CEP250: variants seen among roughly 807,000 people sequenced by gnomAD.
CEP250 encodes the protein centrosomal protein 250, also known as centrosome-associated protein CEP250.
Under a neutral mutation model 315.7 loss-of-function variants are expected in CEP250, and 242 were observed. The ratio of observed to expected loss-of-function variants is 0.77; its 90% CI spans 0.69 to 0.85. The LOEUF (loss-of-function observed/expected upper bound fraction) is 0.85. CEP250 is among the 40% of genes least tolerant of loss of function. The probability of loss-of-function intolerance (pLI) is 0.00; values close to 1 mark genes in which losing one functional copy is unlikely to be tolerated. For synonymous variants in CEP250, 1,088 were observed against 1,175.0 expected (o/e 0.93, Z 1.51); for missense variants, 2,515 against 2,886.4 (o/e 0.87, Z 2.95).
intron 18 of CEP250, 21 bp downstream of exon 18, chr20:35,479,445 A>G (rs1308585029): frequency 6.2e-7 from 1 of 1,601,762 alleles, no homozygotes; most frequent in East Asian, 2.2e-5. Context: ...GACTCAGTTC[A>G]GCCAAGCACA....
chr20:35,515,506 A>T lies in CEP250; in HGVS notation c.*3880A>T, dbSNP rs1173018410. Reference sequence around the variant, plus strand: ...GGCCAGTGGCAGAACTTCTAGAAGTACCTGTGGGGTGGGAAACCCCAGCCA... The same window carrying T: ...GGCCAGTGGCAGAACTTCTAGAAGTTCCTGTGGGGTGGGAAACCCCAGCCA... On this transcript the variant is annotated 3_prime_UTR_variant, in exon 35 of 35. Transcript: ENST00000397527. The T allele has an allele frequency of 6.6e-6, 1 of 152,270 alleles. No individual in the cohort carries two copies. The highest frequency in any genetic ancestry group is 1.5e-5 in the Non-Finnish European group (1 of 68,072). The allele number at this position is 152,270 out of a possible 1,614,324, so 9.4% of individuals were successfully genotyped here.
Position 35,467,352 on chromosome 20 carries a change from G to A in CEP250, c.648G>A (p.Leu216=). 6.2e-7 allele frequency: 1 copy of A among 1,614,188 alleles called. No individual in the cohort carries two copies. The highest frequency in any genetic ancestry group is 8.5e-7 in the Non-Finnish European group (1 of 1,180,024). The part of the protein sequence containing the change: ...KAEHVRLSGS[L]LTCCLRLTVG... The stretch of plus-strand genomic sequence containing the variant: ...AGCATGTGAGGCTTTCAGGGTCTCT[G>A]TTGACCTGTTGTCTGCGCTTGACTG... The change falls in exon 9 of 35, where the codon CTG becomes CTA. Residue 216 remains leucine (L), a synonymous_variant. Coordinates refer to ENST00000397527, the MANE Select transcript of CEP250 (RefSeq NM_007186.6).
intron 17 of CEP250, among the ~76,000 whole-genome samples, chr20:35,478,370 G>A (rs1025052712): frequency 2.0e-5 from 3 of 152,252 alleles, no homozygotes; most frequent in African/African-American, 7.2e-5. Flanking sequence ...TTCGAGACCA[G>A]CCTGACCAAC....
intron 30 of CEP250, among the ~76,000 whole-genome samples, chr20:35,507,424 G>A (rs955823796): frequency 6.6e-6 from 1 of 152,168 alleles, no homozygotes. Context: ...TGTGTGACTC[G>A]AGAGTCCATG....
chr20:35,476,454 G>A lies in CEP250; in HGVS notation c.1722G>A (p.Glu574=), dbSNP rs1260383726. 1.2e-6 allele frequency: 2 copies of A among 1,612,076 alleles called. No homozygotes were observed. Among genetic ancestry groups the A allele is most frequent in the Non-Finnish European group, 1.7e-6 (2 of 1,178,326 alleles). The part of the protein sequence containing the change: ...TEVTAALARA[E]QSIAELSSSE... ...TAATCCTTTTTGTTTTTTAGGCAGA[G>A]CAGTCAATTGCAGAGCTGTCGAGTT... The change falls in exon 16 of 35, where the codon GAG becomes GAA. Residue 574 remains glutamate, a synonymous_variant. Coordinates refer to ENST00000397527, the MANE Select transcript of CEP250 (RefSeq NM_007186.6).
intron 20 of CEP250, among the ~76,000 whole-genome samples, chr20:35,485,645 C>CTATT (rs1451427062): frequency 3.0e-5 from 1 of 33,788 alleles, no homozygotes; most frequent in South Asian, 9.8e-4. Context: ...GTCTGCCTGG[C>CTATT]TTTTTTTTTT....
chr20:35,472,230 A>G, intron 11 of CEP250, 79 bp downstream of exon 11: 1 of 856,344 alleles, frequency 1.2e-6, no homozygotes, highest in South Asian at 1.4e-5. Context: ...AGTCCTGCCT[A>G]GATTTCCAGT....
rs2063146070 is a variant in CEP250, at chr20:35,475,494, C to T, written c.1572-8C>T. 1 of 1,613,650 alleles carries T rather than the reference C, an allele frequency of 6.2e-7. No individual in the cohort carries two copies. Among genetic ancestry groups the T allele is most frequent in the African/African-American group, 1.3e-5 (1 of 75,028 alleles). On this transcript the variant is annotated splice_polypyrimidine_tract_variant and splice_region_variant and intron_variant, in intron 14 of 34. Coordinates refer to ENST00000397527, the MANE Select transcript of CEP250 (RefSeq NM_007186.6). ...AGTTCCTCTAGACCCCTCTCTTTCC[C>T]ATCTTAGTCAGGAGATGCTGATGGG... is the stretch of plus-strand genomic sequence containing the variant.
chr20:35,479,867 AG>A (rs1387292082), intron 19 of CEP250, 94 bp downstream of exon 19: 2 of 1,598,470 alleles, frequency 1.3e-6, no homozygotes, highest in Non-Finnish European at 8.6e-7. Flanking sequence ...CTTCTCCAGC[AG>A]GGTGCAGGGC....
intron 5 of CEP250, among the ~76,000 whole-genome samples, chr20:35,464,555 C>T (rs1464345519): frequency 6.6e-6 from 1 of 152,202 alleles, no homozygotes; most frequent in Admixed American, 6.5e-5. Context: ...TCAAGCAATC[C>T]TCCCACTGCT....
chr20:35,493,373 C>T, intron 22 of CEP250, 56 bp from the exon 23 acceptor site: 1 of 1,427,402 alleles, frequency 7.0e-7, no homozygotes. Flanking sequence ...ACCAAAAAAA[C>T]CAGTATTTCT....
rs1362290736 is a variant in CEP250 at position 35,462,525 on chromosome 20, C to A, written c.158C>A (p.Ala53Glu). 3.7e-6 allele frequency: 6 copies of A among 1,608,086 alleles called. No homozygotes were observed. In the African/African-American group the frequency reaches 5.3e-5, roughly 14 times the overall value. ...TCCCAGGAGGCCCAGCAGAGACAAGCAACCCTTGTGAGGAAGCTGCAGGCC... is the reference window on the plus strand; with the variant it reads ...TCCCAGGAGGCCCAGCAGAGACAAGAAACCCTTGTGAGGAAGCTGCAGGCC... ...KNSQEAQQRQ[A>E]TLVRKLQAKV... Residue 53 changes from alanine (A) to glutamate (E), a missense_variant, in exon 4 of 35, where the codon GCA becomes GAA. By Grantham distance (107) the Ala-to-Glu change is moderately radical (BLOSUM62 -1). Transcript: ENST00000397527.
At position 35,516,360 on chromosome 20, in the gene CEP250, C is replaced by G. The variant is rs2064435681; in HGVS notation, c.*4734C>G. Reference sequence around the variant, plus strand: ...TGCACCTCCTGTCTTGGTTTCCTATCAAAACCTCTCCCGTATCTATGAACA... The same window carrying G: ...TGCACCTCCTGTCTTGGTTTCCTATGAAAACCTCTCCCGTATCTATGAACA... On this transcript the variant is annotated 3_prime_UTR_variant, in exon 35 of 35. Transcript: ENST00000397527. 6.6e-6 allele frequency: 1 copy of G among 152,242 alleles called. No individual in the cohort carries two copies. Among genetic ancestry groups the G allele is most frequent in the Admixed American group, 6.5e-5 (1 of 15,288 alleles). 9.4% of individuals were successfully genotyped at this position (152,242 alleles called of 1,614,324 possible). A position where few individuals can be genotyped will look rare whatever the true frequency, so the allele number is the denominator to read the frequency against.
At chr20:35,457,971 A>G (rs2062669524) in intron 1 of CEP250, among the ~76,000 whole-genome samples, 1 of 152,208 alleles carries the variant, frequency 6.6e-6, no homozygotes, top group Non-Finnish European at 1.5e-5. Context: ...GAGGCCCCAC[A>G]TGAGATTTAA....
In CEP250 at chr20:35,501,896, A is replaced by T. The variant is rs1409576665; in HGVS notation, c.3950A>T (p.Glu1317Val). 1 of 1,613,736 alleles carries T rather than the reference A, an allele frequency of 6.2e-7. No individual in the cohort carries two copies. Among genetic ancestry groups the T allele is most frequent in the Non-Finnish European group, 8.5e-7 (1 of 1,179,984 alleles). The change falls in exon 29 of 35, where the codon GAA becomes GTA. Residue 1317 changes from glutamate to valine, a missense_variant. Physicochemically the swap from Glu to Val is moderately radical, Grantham distance 121 (BLOSUM62 -2). Coordinates refer to ENST00000397527, the MANE Select transcript of CEP250 (RefSeq NM_007186.6). ...AACTCCCTAGAATCTGAGCTGATGGAACTACATGAAACTATGGCATCCTTA... is the reference window on the plus strand; with the variant it reads ...AACTCCCTAGAATCTGAGCTGATGGTACTACATGAAACTATGGCATCCTTA... The part of the protein sequence containing the change: ...KQNSLESELM[E>V]LHETMASLQS...
intron 22 of CEP250, among the ~76,000 whole-genome samples, chr20:35,493,225 T>G (rs918157581): frequency 1.3e-5 from 2 of 151,912 alleles, no homozygotes; most frequent in African/African-American, 4.8e-5. Flanking sequence ...GGTGAGAGAC[T>G]ATTACCAATT....
intron 9 of CEP250, among the ~76,000 whole-genome samples, chr20:35,468,374 C>G (rs1368048941): frequency 6.6e-6 from 1 of 152,108 alleles, no homozygotes; most frequent in African/African-American, 2.4e-5. Flanking sequence ...CCCCTACCTT[C>G]TTTTTTTGGT....
At chr20:35,465,210 A>G (rs150832459) in intron 5 of CEP250, among the ~76,000 whole-genome samples, 3,444 of 152,294 alleles carry the variant, frequency 0.023, 145 homozygotes, top group African/African-American at 0.078. Flanking sequence ...ACTTGAGGCC[A>G]GGAATTCAAG....
intron 25 of CEP250, 99 bp downstream of exon 25, chr20:35,496,814 T>C: frequency 7.6e-7 from 1 of 1,312,360 alleles, no homozygotes; most frequent in Non-Finnish European, 1.0e-6. Context: ...AGAGGACCCA[T>C]CTATTTTTCC....
Sources: gnomAD v4.1 joint callset for allele counts (sites outside exome capture counted in the v4.1 genomes callset) on GRCh38, gnomAD v4.1.1 for gene constraint, MANE v1.5 for transcripts, NCBI Gene and HGNC (gene_info 2026-07-23, HGNC 2026-07-21) for gene names.